WDFY4: variants seen among roughly 807,000 people sequenced by gnomAD.
WDFY4 encodes WDFY family member 4, also known as WD repeat- and FYVE domain-containing protein 4.
Under a neutral mutation model 351.9 loss-of-function variants are expected in WDFY4, and 169 were observed. That is an observed-to-expected ratio of 0.48 (90% CI 0.42 to 0.55). WDFY4 has a LOEUF of 0.55. Among genes scored for constraint, WDFY4 ranks in the 20% least tolerant of loss-of-function variants. WDFY4 has a pLI of 0.00. For missense variants in WDFY4, 3,803 were observed against 3,935.6 expected (o/e 0.97, Z 0.90); for synonymous variants, 1,622 against 1,574.6 (o/e 1.03, Z -0.71).
At chr10:48,974,832 C>T in intron 57 of WDFY4, 30 bp from the exon 58 acceptor site, 1 of 1,495,996 alleles carries the variant, frequency 6.7e-7, no homozygotes, top group Non-Finnish European at 8.9e-7. Flanking sequence ...TTGAGGGTCC[C>T]TCTCCTAACC....
In WDFY4 at chr10:48,743,283, C is replaced by T. The variant is rs1387089115; in HGVS notation, c.2194C>T (p.Arg732Cys). The change falls in exon 12 of 62, where the codon CGC becomes TGC. Residue 732 changes from arginine to cysteine, a missense_variant. By Grantham distance (180) the Arg-to-Cys change is radical. This residue lies in a region of WDFY4 where 3,054 missense variants were observed against 3,148.6 expected (regional missense o/e 0.97). Coordinates refer to ENST00000325239, the MANE Select transcript of WDFY4 (RefSeq NM_001394531.1). ...GALEEEGNLL[R>C]SWVDTKARPF... ...CCTGGAGGAAGAGGGCAACCTGCTG[C>T]GCTCTTGGGTGGACACAAAGGCCAG... The T allele has an allele frequency of 2.0e-5, 31 of 1,551,566 alleles. No individual in the cohort carries two copies. The highest frequency in any genetic ancestry group is 9.6e-5 in the African/African-American group (7 of 73,034).
At position 48,800,731 on chromosome 10, in the gene WDFY4, T is replaced by TTTCTTTCTTTC. The variant is rs1491372100; in HGVS notation, c.4411-2553_4411-2552insCTTTCTTTCTT. On this transcript the variant is annotated intron_variant, in intron 24 of 61. Transcript: ENST00000325239. The stretch of plus-strand genomic sequence containing the variant: ...CTTTCTTTCTTTCTTTCATTCTTTC[T>TTTCTTTCTTTC]TTTTTTTTTTTTTTGTTTTGAGATG... Among the ~76,000 whole-genome samples the TTTCTTTCTTTC allele has an allele frequency of 1.2e-4, 7 of 56,410 alleles. 1 individual carries two copies. The East Asian group carries it at 0.013, about 102-fold the overall frequency. The allele number at this position is 56,410 out of a possible 152,430, so 37.0% of individuals were successfully genotyped here.
intron 10 of WDFY4, among the ~76,000 whole-genome samples, chr10:48,735,545 C>T (rs1421867770): frequency 1.3e-5 from 2 of 151,816 alleles, no homozygotes; most frequent in African/African-American, 2.4e-5. Flanking sequence ...TAACTTTAGT[C>T]ACCATGTTGT....
intron 53 of WDFY4, among the ~76,000 whole-genome samples, chr10:48,962,242 C>T (rs888616116): frequency 1.6e-4 from 25 of 152,290 alleles, no homozygotes; most frequent in African/African-American, 6.0e-4. Context: ...GAGAGCCATA[C>T]CTTTCATTAC....
At chr10:48,863,355 G>T (rs1292166167) in intron 39 of WDFY4, among the ~76,000 whole-genome samples, 2 of 152,116 alleles carry the variant, frequency 1.3e-5, no homozygotes, top group Non-Finnish European at 2.9e-5. Flanking sequence ...AATAAAACTT[G>T]TTATTATCTA....
intron 24 of WDFY4, among the ~76,000 whole-genome samples, chr10:48,797,386 T>C (rs1279868017): frequency 6.6e-6 from 1 of 152,236 alleles, no homozygotes; most frequent in Non-Finnish European, 1.5e-5. Context: ...AATTGATATA[T>C]GTTTATTATA....
intron 1 of WDFY4, among the ~76,000 whole-genome samples, chr10:48,705,148 A>T (rs971896940): frequency 1.3e-5 from 2 of 152,226 alleles, no homozygotes; most frequent in African/African-American, 4.8e-5. Context: ...TCTGTTTAAC[A>T]GGTTGATTTT....
intron 35 of WDFY4, chr10:48,823,560 A>G: frequency 2.8e-6 from 3 of 1,072,140 alleles, no homozygotes; most frequent in Non-Finnish European, 3.4e-6. Flanking sequence ...ACCTGGAAAG[A>G]CTTGAATTCA....
At chr10:48,840,428 ACACACACACACACACACACCTCTCT>A (rs2068559081) in intron 39 of WDFY4, among the ~76,000 whole-genome samples, 1 of 145,204 alleles carries the variant, frequency 6.9e-6, no homozygotes, top group African/African-American at 2.7e-5. Context: ...ATACACATAC[ACACACACACACACACACACCTCTCT>A]CACGCACACA....
chr10:48,746,429 C>T (rs1288857807), intron 12 of WDFY4, among the ~76,000 whole-genome samples: 1 of 151,918 alleles, frequency 6.6e-6, no homozygotes, highest in Non-Finnish European at 1.5e-5. Flanking sequence ...TTTAACCTTT[C>T]TGTGTACTGT....
At chr10:48,967,711 C>T (rs1842147213) in intron 55 of WDFY4, 1 of 152,294 alleles carries the variant, frequency 6.6e-6, no homozygotes, top group South Asian at 2.1e-4. Flanking sequence ...AGGCTGGGTT[C>T]CTAGGGCCAT....
At position 48,775,705 on chromosome 10, in the gene WDFY4, T is replaced by C. The variant is rs1007445511; in HGVS notation, c.2769-7T>C. Reference sequence around the variant, plus strand: ...CTTCATTTTTTCCTCTTGTATGTTATGTTCAGACAGTTTCTAGGTCTTGGA... The same window carrying C: ...CTTCATTTTTTCCTCTTGTATGTTACGTTCAGACAGTTTCTAGGTCTTGGA... On this transcript the variant is annotated splice_polypyrimidine_tract_variant and splice_region_variant and intron_variant, in intron 14 of 61. Coordinates refer to ENST00000325239, the MANE Select transcript of WDFY4 (RefSeq NM_001394531.1). 4.5e-5 allele frequency: 70 copies of C among 1,551,088 alleles called. No homozygotes were observed. Among genetic ancestry groups the C allele is most frequent in the Non-Finnish European group, 5.8e-5 (67 of 1,146,568 alleles).
chr10:48,812,708 A>C (rs1317963798), intron 30 of WDFY4, among the ~76,000 whole-genome samples: 3 of 151,934 alleles, frequency 2.0e-5, no homozygotes, highest in Non-Finnish European at 4.4e-5. Context: ...CCTTGCACTA[A>C]ATTCAGGTGA....
At chr10:48,956,518 C>T (rs1038573767) in intron 51 of WDFY4, among the ~76,000 whole-genome samples, 3 of 152,208 alleles carry the variant, frequency 2.0e-5, no homozygotes, top group Non-Finnish European at 4.4e-5. Flanking sequence ...CTTCACCCTC[C>T]TCCCTCTGCT....
At chr10:48,747,262 C>A (rs1482231779) in intron 12 of WDFY4, among the ~76,000 whole-genome samples, 1 of 152,018 alleles carries the variant, frequency 6.6e-6, no homozygotes, top group Non-Finnish European at 1.5e-5. Flanking sequence ...GGTAATTTGT[C>A]ATTTTTCTCT....
At chr10:48,686,363 CATA>C (rs1565089462) in intron 1 of WDFY4, among the ~76,000 whole-genome samples, 1 of 150,284 alleles carries the variant, frequency 6.7e-6, no homozygotes, top group African/African-American at 2.4e-5. Flanking sequence ...TTAGAAAGAC[CATA>C]ATAAGATAGA....
chr10:48,770,620 G>A (rs572953824), intron 13 of WDFY4, among the ~76,000 whole-genome samples: 1 of 152,332 alleles, frequency 6.6e-6, no homozygotes, highest in South Asian at 2.1e-4. Flanking sequence ...GGCTTAGGTG[G>A]ATGAAGGAAG....
chr10:48,869,371 G>A (rs1469635969), intron 40 of WDFY4, among the ~76,000 whole-genome samples: 1 of 152,168 alleles, frequency 6.6e-6, no homozygotes, highest in Admixed American at 6.5e-5. Flanking sequence ...ACACCACGCA[G>A]GACTTTTCTA....
At position 48,720,017 on chromosome 10, in the gene WDFY4, G is replaced by A. The variant is rs1318143793; in HGVS notation, c.241G>A (p.Glu81Lys). The A allele has an allele frequency of 1.3e-6, 2 of 1,551,556 alleles. No individual in the cohort carries two copies. Among genetic ancestry groups the A allele is most frequent in the Non-Finnish European group, 1.7e-6 (2 of 1,146,964 alleles). Residue 81 changes from glutamate to lysine, a missense_variant, in exon 3 of 62, where the codon GAA becomes AAA. Physicochemically the swap from Glu to Lys is moderately conservative, Grantham distance 56. Coordinates refer to ENST00000325239, the MANE Select transcript of WDFY4 (RefSeq NM_001394531.1). ...GTCCCATCTGTTGCTTCAGGCCTGG[G>A]AACACTCCGTGGGGATCATCTGCTT... ...SLLPLFLKAW[E>K]HSVGIICFPS...
Sources: allele counts gnomAD v4.1 joint callset (sites outside exome capture counted in the v4.1 genomes callset), GRCh38; gene constraint gnomAD v4.1.1; regional missense constraint gnomAD v4.1.1; transcripts MANE v1.5; gene names NCBI Gene and HGNC (gene_info 2026-07-23, HGNC 2026-07-21).